CTXND1: variants seen among roughly 807,000 people sequenced by gnomAD.
CTXND1 encodes the protein cortexin domain containing 1, also known as cortexin domain-containing 1 protein.
chr15:80,248,826 G>A (rs928435194), intron 1 of CTXND1, among the ~76,000 whole-genome samples: 5 of 152,170 alleles, frequency 3.3e-5, no homozygotes. Context: ...TGGTCAACTC[G>A]TGGTAACCAC....
In CTXND1 at chr15:80,242,827, G is replaced by A. The variant is rs983497868; in HGVS notation, c.-218+9180C>T. Among the ~76,000 whole-genome samples, 12 of 152,224 alleles carry A rather than the reference G, an allele frequency of 7.9e-5. No homozygotes were observed. The East Asian group carries it at 2.1e-3, about 27-fold the overall frequency. On this transcript the variant is annotated intron_variant, in intron 1 of 2. Transcript: ENST00000560778. The stretch of plus-strand genomic sequence containing the variant: ...CTGCTCATGGAGTTGGTTTTTCACA[G>A]CCTCCACCACTCCCTATGGCTCAGA...
At chr15:80,245,487 A>G (rs913152486) in intron 1 of CTXND1, among the ~76,000 whole-genome samples, 5 of 152,174 alleles carry the variant, frequency 3.3e-5, no homozygotes, top group Non-Finnish European at 5.9e-5. Context: ...GGCTCCTGAT[A>G]TGGCGGCCCA....
chr15:80,230,298 A>G, intron 1 of CTXND1, among the ~76,000 whole-genome samples: 1 of 152,184 alleles, frequency 6.6e-6, no homozygotes, highest in Non-Finnish European at 1.5e-5. Flanking sequence ...CATTGATAAG[A>G]AGGAGTACTT....
intron 1 of CTXND1, among the ~76,000 whole-genome samples, chr15:80,227,841 A>G (rs965973442): frequency 1.3e-5 from 2 of 152,176 alleles, no homozygotes; most frequent in East Asian, 3.8e-4. Context: ...AGCCATGGCA[A>G]TGTCTTCAAA....
At chr15:80,239,600 T>G (rs1388227972) in intron 1 of CTXND1, among the ~76,000 whole-genome samples, 1 of 152,224 alleles carries the variant, frequency 6.6e-6, no homozygotes, top group Non-Finnish European at 1.5e-5. Flanking sequence ...TCGGACTGGC[T>G]CTCCTTGTTC....
intron 1 of CTXND1, among the ~76,000 whole-genome samples, chr15:80,238,059 A>ACAC (rs984165269): frequency 2.0e-5 from 3 of 152,032 alleles, no homozygotes; most frequent in Non-Finnish European, 4.4e-5. Flanking sequence ...ATAAAGCAAA[A>ACAC]CACTATAGTA....
intron 1 of CTXND1, among the ~76,000 whole-genome samples, chr15:80,224,463 T>C (rs1893351604): frequency 6.6e-6 from 1 of 152,252 alleles, no homozygotes; most frequent in Non-Finnish European, 1.5e-5. Context: ...TTCTTAATGA[T>C]TCTAACTCTA....
chr15:80,203,499 T>G (rs1781732888), intron 2 of CTXND1, 90 bp downstream of exon 2: 1 of 152,228 alleles, frequency 6.6e-6, no homozygotes, highest in African/African-American at 2.4e-5. Context: ...TGGAGCCCGC[T>G]GGCTGGGGAA....
intron 1 of CTXND1, among the ~76,000 whole-genome samples, chr15:80,223,716 T>C (rs1190675686): frequency 1.3e-5 from 2 of 152,100 alleles, no homozygotes; most frequent in Non-Finnish European, 2.9e-5. Context: ...CTTGGTAGGT[T>C]GGGCCTTGTA....
intron 1 of CTXND1, among the ~76,000 whole-genome samples, chr15:80,227,723 T>G (rs1451827815): frequency 6.6e-6 from 1 of 152,262 alleles, no homozygotes; most frequent in Non-Finnish European, 1.5e-5. Flanking sequence ...AAAATGCTAC[T>G]GATCATCTGA....
chr15:80,248,461 G>A (rs766467613), intron 1 of CTXND1, among the ~76,000 whole-genome samples: 15 of 152,108 alleles, frequency 9.9e-5, no homozygotes, highest in Non-Finnish European at 1.8e-4. Flanking sequence ...TACTCTCCTG[G>A]CTTAAAACTC....
chr15:80,240,761 AG>A (rs760574340), intron 1 of CTXND1, among the ~76,000 whole-genome samples: 3 of 152,250 alleles, frequency 2.0e-5, no homozygotes, highest in African/African-American at 7.2e-5. Context: ...GTCACATTCA[AG>A]GGAAGATAAA....
intron 1 of CTXND1, among the ~76,000 whole-genome samples, chr15:80,204,774 C>T (rs1025477062): frequency 1.3e-5 from 2 of 151,718 alleles, no homozygotes; most frequent in Non-Finnish European, 2.9e-5. Flanking sequence ...GTACAAATCT[C>T]TCCTTGAGAC....
intron 1 of CTXND1, among the ~76,000 whole-genome samples, chr15:80,236,145 T>A (rs543639583): frequency 1.3e-5 from 2 of 151,694 alleles, no homozygotes; most frequent in South Asian, 4.2e-4. Flanking sequence ...CTCTCTGGGA[T>A]ATTCTCACTG....
intron 1 of CTXND1, among the ~76,000 whole-genome samples, chr15:80,251,030 C>T (rs1376576972): frequency 6.6e-6 from 1 of 152,162 alleles, no homozygotes; most frequent in Non-Finnish European, 1.5e-5. Context: ...TGATTAGAAT[C>T]AGAGGAGAAC....
chr15:80,225,957 C>G (rs1165011912), intron 1 of CTXND1, among the ~76,000 whole-genome samples: 1 of 152,162 alleles, frequency 6.6e-6, no homozygotes, highest in South Asian at 2.1e-4. Context: ...ATTGTTTATA[C>G]CCTAGCTATC....
chr15:80,211,081 C>T (rs942530140), intron 1 of CTXND1, among the ~76,000 whole-genome samples: 2 of 152,166 alleles, frequency 1.3e-5, no homozygotes, highest in Admixed American at 1.3e-4. Flanking sequence ...CAATGAGATC[C>T]TCGAGGACAG....
chr15:80,251,349 T>C (rs1462888588), intron 1 of CTXND1, among the ~76,000 whole-genome samples: 1 of 152,182 alleles, frequency 6.6e-6, no homozygotes, highest in African/African-American at 2.4e-5. Flanking sequence ...AAAGCGTGGA[T>C]TAGGGTTTTT....
intron 1 of CTXND1, among the ~76,000 whole-genome samples, chr15:80,246,600 G>A (rs915507394): frequency 2.0e-5 from 3 of 151,078 alleles, no homozygotes; most frequent in Non-Finnish European, 4.4e-5. Context: ...GAGAAAGAGG[G>A]CATTCATTTT....
Sources: gnomAD v4.1 joint callset for allele counts (sites outside exome capture counted in the v4.1 genomes callset) on GRCh38, gnomAD v4.1.1 for gene constraint, MANE v1.5 for transcripts, NCBI Gene and HGNC (gene_info 2026-07-23, HGNC 2026-07-21) for gene names.